Variants in CLSTN2 observed in about 807,000 individuals in gnomAD.
CLSTN2 encodes calsyntenin-2.
In CLSTN2, 48 loss-of-function variants were observed where a neutral mutation model predicts 101.2. The ratio of observed to expected loss-of-function variants is 0.47; its 90% CI spans 0.38 to 0.60. CLSTN2 has a LOEUF of 0.60. CLSTN2 is among the 20% of genes least tolerant of loss of function. The pLI, the probability that CLSTN2 is intolerant of heterozygous loss-of-function variation, is 0.00. For synonymous variants in CLSTN2, 481 were observed against 463.6 expected (o/e 1.04, Z -0.48); for missense variants, 1,160 against 1,238.2 (o/e 0.94, Z 0.95).
intron 12 of CLSTN2, among the ~76,000 whole-genome samples, chr3:140,559,362 G>C (rs1369797595): frequency 6.6e-6 from 1 of 151,986 alleles, no homozygotes. Context: ...AAAAAATATA[G>C]CTGCATCTTT....
At chr3:140,384,075 C>A (rs558522449) in intron 2 of CLSTN2, among the ~76,000 whole-genome samples, 2 of 152,168 alleles carry the variant, frequency 1.3e-5, no homozygotes, top group Non-Finnish European at 2.9e-5. Context: ...AAGCAGCCAA[C>A]CTTTCACGTT....
intron 1 of CLSTN2, among the ~76,000 whole-genome samples, chr3:140,161,119 T>C (rs561326158): frequency 1.3e-5 from 2 of 152,208 alleles, no homozygotes; most frequent in East Asian, 1.9e-4. Flanking sequence ...GCCTTAGGGA[T>C]TGAGAGACTC....
chr3:140,391,375 G>A (rs1404725463), intron 2 of CLSTN2, among the ~76,000 whole-genome samples: 3 of 133,756 alleles, frequency 2.2e-5, no homozygotes, highest in African/African-American at 8.4e-5. Flanking sequence ...GCGTGGGGGG[G>A]TGGGCGGGAG....
intron 4 of CLSTN2, among the ~76,000 whole-genome samples, chr3:140,418,811 G>A (rs1236937275): frequency 2.0e-5 from 3 of 151,968 alleles, no homozygotes; most frequent in East Asian, 3.9e-4. Context: ...CCACTGCGCC[G>A]GGCTGATTAT....
intron 4 of CLSTN2, among the ~76,000 whole-genome samples, chr3:140,406,424 A>G (rs2088302543): frequency 6.6e-6 from 1 of 152,272 alleles, no homozygotes; most frequent in African/African-American, 2.4e-5. Context: ...AGACAATTAC[A>G]TACCTGGATA....
chr3:140,255,297 T>C (rs1003196583), intron 2 of CLSTN2, among the ~76,000 whole-genome samples: 16 of 152,162 alleles, frequency 1.1e-4, no homozygotes, highest in African/African-American at 3.9e-4. Context: ...ATCTCACATA[T>C]GGGCATACAC....
intron 1 of CLSTN2, among the ~76,000 whole-genome samples, chr3:140,016,166 C>T (rs1257222122): frequency 6.6e-6 from 1 of 152,082 alleles, no homozygotes; most frequent in Non-Finnish European, 1.5e-5. Flanking sequence ...AAAGCTTGGA[C>T]CTTTTAAGAG....
chr3:140,494,923 T>C (rs1049280017), intron 8 of CLSTN2, among the ~76,000 whole-genome samples: 1 of 152,228 alleles, frequency 6.6e-6, no homozygotes, highest in Non-Finnish European at 1.5e-5. Context: ...GCAATGAACA[T>C]ATATGTGCAT....
chr3:140,398,116 C>G (rs1010783908), intron 2 of CLSTN2, among the ~76,000 whole-genome samples: 4 of 152,072 alleles, frequency 2.6e-5, no homozygotes, highest in Non-Finnish European at 5.9e-5. Context: ...CATAGTTCAT[C>G]TGTCAATCAT....
intron 4 of CLSTN2, among the ~76,000 whole-genome samples, chr3:140,417,111 G>T (rs929891131): frequency 1.3e-5 from 2 of 152,146 alleles, no homozygotes; most frequent in Non-Finnish European, 2.9e-5. Context: ...ATTTTCAATA[G>T]TTTTTCTGTA....
chr3:140,109,486 C>G (rs556195093), intron 1 of CLSTN2, among the ~76,000 whole-genome samples: 1 of 152,116 alleles, frequency 6.6e-6, no homozygotes, highest in Non-Finnish European at 1.5e-5. Context: ...AAGTAGGTGG[C>G]GAATCTCCCT....
intron 2 of CLSTN2, among the ~76,000 whole-genome samples, chr3:140,268,146 ATAG>A (rs1193288359): frequency 2.0e-5 from 3 of 152,132 alleles, no homozygotes; most frequent in Non-Finnish European, 4.4e-5. Flanking sequence ...CTGCCTAGTA[ATAG>A]TAGTCTCATA....
At chr3:140,411,702 G>A (rs930099956) in intron 4 of CLSTN2, among the ~76,000 whole-genome samples, 1 of 152,198 alleles carries the variant, frequency 6.6e-6, no homozygotes, top group African/African-American at 2.4e-5. Context: ...TACCAAGCTA[G>A]CTGGTATCTA....
chr3:140,354,643 C>G (rs959454873), intron 2 of CLSTN2, among the ~76,000 whole-genome samples: 4 of 152,212 alleles, frequency 2.6e-5, no homozygotes, highest in Admixed American at 1.3e-4. Flanking sequence ...ATTGTAGCCA[C>G]AGGCATGTCT....
intron 1 of CLSTN2, among the ~76,000 whole-genome samples, chr3:139,969,046 T>C (rs1365632143): frequency 7.2e-6 from 1 of 139,624 alleles, no homozygotes; most frequent in African/African-American, 2.7e-5. Context: ...GGACTTGGTA[T>C]GTATATGCTT....
At chr3:140,215,639 A>G (rs1460000244) in intron 2 of CLSTN2, among the ~76,000 whole-genome samples, 1 of 152,154 alleles carries the variant, frequency 6.6e-6, no homozygotes, top group Admixed American at 6.5e-5. Context: ...AGGTGGAGAG[A>G]GTCAGTAGAG....
At chr3:140,166,494 T>C (rs1400499889) in intron 1 of CLSTN2, among the ~76,000 whole-genome samples, 2 of 152,202 alleles carry the variant, frequency 1.3e-5, no homozygotes, top group Non-Finnish European at 2.9e-5. Flanking sequence ...TCCAGGGTTG[T>C]CCAGAAAGGT....
rs191807866 is a variant in CLSTN2 at position 140,143,442 on chromosome 3, C to A, written c.110-32509C>A. ...CTTCTGCCTTTTTGTTCTTTTCAGGCTCTCAATGGATGGAAAATGCCTGTC... is the reference window on the plus strand; with the variant it reads ...CTTCTGCCTTTTTGTTCTTTTCAGGATCTCAATGGATGGAAAATGCCTGTC... On this transcript the variant is annotated intron_variant, in intron 1 of 16. Transcript: ENST00000458420. Among the ~76,000 whole-genome samples the A allele has an allele frequency of 1.3e-3, 196 of 152,310 alleles. 1 individual carries two copies. The highest frequency in any genetic ancestry group is 0.01 in the Middle Eastern group (3 of 294).
intron 2 of CLSTN2, among the ~76,000 whole-genome samples, chr3:140,200,309 T>A (rs1406835097): frequency 6.6e-6 from 1 of 152,174 alleles, no homozygotes. Flanking sequence ...CCGTAAAAAA[T>A]TCTTGGAGAA....
Sources: gnomAD v4.1 joint callset for allele counts (sites outside exome capture counted in the v4.1 genomes callset) on GRCh38, gnomAD v4.1.1 for gene constraint, MANE v1.5 for transcripts, NCBI Gene and HGNC (gene_info 2026-07-23, HGNC 2026-07-21) for gene names.